The following TUBGCP2 variants were observed in gnomAD, a reference collection of about 807,000 sequenced individuals.
TUBGCP2 encodes the protein gamma-tubulin complex component 2.
In TUBGCP2, 55 loss-of-function variants were observed where a neutral mutation model predicts 92.2. The observed-to-expected ratio is 0.60, with a 90% CI of 0.48 to 0.75. The LOEUF (loss-of-function observed/expected upper bound fraction) is 0.75. Ranked by LOEUF, TUBGCP2 falls within the 30% of genes least tolerant of loss-of-function variation. The probability of loss-of-function intolerance (pLI) is 0.00; values close to 1 mark genes in which losing one functional copy is unlikely to be tolerated. For missense variants in TUBGCP2, 1,093 were observed against 1,188.9 expected, an observed-to-expected ratio of 0.92 and a Z score of 1.19; for synonymous variants, 533 against 505.2, an observed-to-expected ratio of 1.06 and a Z score of -0.74.
In TUBGCP2 at chr10:133,279,868, C is replaced by T; in HGVS notation, c.2607G>A (p.Leu869=). The change falls in exon 18 of 18, where the codon CTG becomes CTA. Residue 869 remains leucine, a synonymous_variant. Coordinates refer to ENST00000252936, the MANE Select transcript of TUBGCP2 (RefSeq NM_006659.4). ...GGCTCCTCTCTGCAGACAGGCGCTC[C>T]AGGCGCTCCGTGTAGAAACCATTGA... ...LDFNGFYTER[L]ERLSAERSQK... The T allele has an allele frequency of 6.2e-7, 1 of 1,608,582 alleles. No individual in the cohort carries two copies. Among genetic ancestry groups the T allele is most frequent in the South Asian group, 1.1e-5 (1 of 90,340 alleles).
chr10:133,311,441 G>A (rs909599217), upstream of TUBGCP2, among the ~76,000 whole-genome samples: 11 of 152,240 alleles, frequency 7.2e-5, no homozygotes, highest in Admixed American at 2.0e-4. Context: ...CCGTGGCACC[G>A]TTGGCACCAT....
chr10:133,282,827 A>G (rs1226086531), intron 15 of TUBGCP2, among the ~76,000 whole-genome samples: 1 of 152,258 alleles, frequency 6.6e-6, no homozygotes, highest in East Asian at 1.9e-4. Flanking sequence ...GGCCCCGGAC[A>G]GAGACCAGCA....
upstream of TUBGCP2, chr10:133,310,044 A>G (rs1398943396): frequency 6.2e-7 from 1 of 1,608,924 alleles, no homozygotes; most frequent in Admixed American, 1.7e-5. Flanking sequence ...TGCTGCCCCC[A>G]GCTCTCGGGT....
Position 133,285,379 on chromosome 10 carries a change from G to A in TUBGCP2, c.1895+77C>T. 6.2e-7 allele frequency: 1 copy of A among 1,602,398 alleles called. No individual in the cohort carries two copies. Among genetic ancestry groups the A allele is most frequent in the Non-Finnish European group, 8.5e-7 (1 of 1,175,438 alleles). ...CTTGGGTCCTCTGTGGGACGAGGTG[G>A]CCACCGCGTGGCACAGTTCTCGCTT... On this transcript the variant is annotated intron_variant, in intron 12 of 17. Coordinates refer to ENST00000252936, the MANE Select transcript of TUBGCP2 (RefSeq NM_006659.4). This position sits in a 1 kb window ranked among gnomAD's most constrained non-coding sequence, Gnocchi z 6.8.
In TUBGCP2 at chr10:133,301,619, CT is replaced by C; in HGVS notation, c.150+1172del. 4.1e-5 allele frequency: 6 copies of C among 147,486 alleles called. 1 individual carries two copies. In the South Asian group the frequency reaches 1.3e-3, roughly 33 times the overall value. 9.1% of individuals were successfully genotyped at this position (147,486 alleles called of 1,614,324 possible). A position where few individuals can be genotyped will look rare whatever the true frequency, so the allele number is the denominator to read the frequency against. Reference sequence around the variant, plus strand: ...ATTCAAAATCATTTTTACTGAAAATCTATACTTCTGAATTACATATTATCTG... The same window carrying C: ...ATTCAAAATCATTTTTACTGAAAATCATACTTCTGAATTACATATTATCTG... On this transcript the variant is annotated intron_variant, in intron 2 of 17. Coordinates refer to ENST00000252936, the MANE Select transcript of TUBGCP2 (RefSeq NM_006659.4).
At chr10:133,282,946 C>T in intron 15 of TUBGCP2, 132 bp downstream of exon 15, 1 of 1,281,666 alleles carries the variant, frequency 7.8e-7, no homozygotes, top group Non-Finnish European at 1.1e-6. Flanking sequence ...GTTCTGGAAA[C>T]ACTCAGATCC....
rs367774413 is a variant in TUBGCP2 at position 133,285,040 on chromosome 10, G to A, written c.2024+45C>T. The stretch of plus-strand genomic sequence containing the variant: ...GCTGCACCACTGGGCAGAGTGCAGC[G>A]AGCGCTGCTTCAGGAGGGCATGCGG... On this transcript the variant is annotated intron_variant, in intron 13 of 17. Transcript: ENST00000252936. This position sits in a 1 kb window ranked among gnomAD's most constrained non-coding sequence, Gnocchi z 6.8. 1.5e-5 allele frequency: 23 copies of A among 1,561,950 alleles called. No individual in the cohort carries two copies. Among genetic ancestry groups the A allele is most frequent in the African/African-American group, 8.1e-5 (6 of 74,240 alleles).
At chr10:133,284,878 G>A (rs1234422405) in intron 13 of TUBGCP2, among the ~76,000 whole-genome samples, 1 of 152,258 alleles carries the variant, frequency 6.6e-6, no homozygotes, top group Non-Finnish European at 1.5e-5. Context: ...CCTGTGGGGT[G>A]GACGGCAGCG....
intron 6 of TUBGCP2, 53 bp from the exon 7 acceptor site, chr10:133,293,291 A>C (rs1847408515): frequency 1.9e-6 from 3 of 1,580,956 alleles, no homozygotes; most frequent in East Asian, 2.2e-5. Flanking sequence ...AGGCACATAC[A>C]ATGTCCGATA....
chr10:133,286,621 G>A (rs528231841), intron 11 of TUBGCP2, among the ~76,000 whole-genome samples: 1 of 152,172 alleles, frequency 6.6e-6, no homozygotes, highest in African/African-American at 2.4e-5. Context: ...CCGCGCGCAC[G>A]GAACACTCTC....
At chr10:133,306,773 G>A (rs917134952) in intron 1 of TUBGCP2, among the ~76,000 whole-genome samples, 1 of 152,218 alleles carries the variant, frequency 6.6e-6, no homozygotes, top group Middle Eastern at 3.4e-3. Context: ...GGGCAACAGA[G>A]CGAGACTCTG....
upstream of TUBGCP2, chr10:133,309,390 G>C (rs746057915): frequency 6.2e-7 from 1 of 1,611,336 alleles, no homozygotes; most frequent in South Asian, 1.1e-5. Flanking sequence ...TTTCCTGCAG[G>C]ATGGGGACGT....
intron 6 of TUBGCP2, 74 bp downstream of exon 6, chr10:133,293,488 C>G (rs1847413266): frequency 2.7e-6 from 4 of 1,487,522 alleles, no homozygotes; most frequent in Non-Finnish European, 3.6e-6. Flanking sequence ...CAGACGTCCC[C>G]ATGGTCATCA....
At chr10:133,288,394 G>A (rs937530568) in intron 10 of TUBGCP2, 85 bp from the exon 11 acceptor site, 8 of 1,487,894 alleles carry the variant, frequency 5.4e-6, no homozygotes, top group South Asian at 2.4e-5. Flanking sequence ...GTGCCCACCC[G>A]CAGGTGCCCG....
At chr10:133,300,313 T>C (rs772319410) in intron 2 of TUBGCP2, 200 bp from the exon 3 acceptor site, 25 of 621,900 alleles carry the variant, frequency 4.0e-5, no homozygotes, top group Non-Finnish European at 6.0e-5. Flanking sequence ...CAGTGGCTCA[T>C]GACTGTAATC....
chr10:133,294,469 G>A (rs752898236), intron 5 of TUBGCP2, among the ~76,000 whole-genome samples: 5 of 152,314 alleles, frequency 3.3e-5, no homozygotes, highest in Middle Eastern at 3.4e-3. Flanking sequence ...ACAGGCTTTC[G>A]GTTTACAAAA....
chr10:133,289,892 C>T lies in TUBGCP2; in HGVS notation c.1292G>A (p.Arg431Gln), dbSNP rs569483386. Residue 431 changes from arginine (R) to glutamine (Q), a missense_variant, in exon 9 of 18, where the codon CGG becomes CAG. Arg to Gln is a conservative substitution (Grantham distance 43). This residue lies in a region of TUBGCP2 where 598 missense variants were observed against 675.5 expected (regional missense o/e 0.89). Coordinates refer to ENST00000252936, the MANE Select transcript of TUBGCP2 (RefSeq NM_006659.4). ...GATCTGCTGCTGGACGATGGTGTAC[C>T]GCTGGTCCCAGTACTTGTCGTTGTA... ...EDYNDKYWDQRYTIVQQQIPS... is the reference protein window; with the variant it reads ...EDYNDKYWDQQYTIVQQQIPS... The T allele has an allele frequency of 2.1e-5, 33 of 1,604,110 alleles. No individual in the cohort carries two copies. The South Asian group carries it at 2.2e-4, about 11-fold the overall frequency.
intron 11 of TUBGCP2, 88 bp downstream of exon 11, chr10:133,288,040 TG>T (rs1847177103): frequency 4.8e-6 from 7 of 1,456,200 alleles, no homozygotes; most frequent in African/African-American, 1.4e-5. Context: ...GGACGGGGAG[TG>T]GGGGACAGGG....
chr10:133,309,006 G>A (rs769561641), upstream of TUBGCP2: 6 of 1,252,058 alleles, frequency 4.8e-6, no homozygotes, highest in African/African-American at 3.1e-5. Context: ...CGGAGCCGCT[G>A]CCTGTAGAGC....
Sources: gnomAD v4.1 joint callset for allele counts (sites outside exome capture counted in the v4.1 genomes callset) on GRCh38, gnomAD v4.1.1 for gene constraint, gnomAD v4.1.1 regional missense constraint, Gnocchi (gnomAD v3.1) non-coding constraint, MANE v1.5 for transcripts, NCBI Gene and HGNC (gene_info 2026-07-23, HGNC 2026-07-21) for gene names.